The following SLCO1B3 variants were observed in gnomAD, a reference collection of about 807,000 sequenced individuals.
SLCO1B3 encodes the protein solute carrier organic anion transporter family member 1B3, also known as liver-specific organic anion transporter 2.
Under a neutral mutation model 71.8 loss-of-function variants are expected in SLCO1B3, and 72 were observed. The ratio of observed to expected loss-of-function variants is 1.00; its 90% CI spans 0.83 to 1.22. The LOEUF is 1.22. Among genes scored for constraint, SLCO1B3 ranks in the 50% most tolerant of loss-of-function variants. The pLI is 0.00. For synonymous variants in SLCO1B3, 298 were observed against 278.4 expected (o/e 1.07, Z -0.70); for missense variants, 911 against 819.7 (o/e 1.11, Z -1.36).
At chr12:20,842,514 T>C (rs1864824604) in intron 3 of SLCO1B3, among the ~76,000 whole-genome samples, 1 of 152,098 alleles carries the variant, frequency 6.6e-6, no homozygotes, top group African/African-American at 2.4e-5. Context: ...TTTTTTTTAA[T>C]TGCTTCTTAT....
chr12:20,825,314 C>G (rs533969942), intron 3 of SLCO1B3, among the ~76,000 whole-genome samples: 1 of 152,114 alleles, frequency 6.6e-6, no homozygotes, highest in Non-Finnish European at 1.5e-5. Context: ...AGACGCATGT[C>G]TTCTGTGACA....
At position 20,861,100 on chromosome 12, in the gene SLCO1B3, T is replaced by C; in HGVS notation, c.443T>C (p.Leu148Ser). ...SLSTCLINQT[L>S]SFNGTSPEIV... Reference sequence around the variant, plus strand: ...TCAACCTGTTTAATTAATCAAACCTTATCATTCAATGGAACATCACCTGAG... The same window carrying C: ...TCAACCTGTTTAATTAATCAAACCTCATCATTCAATGGAACATCACCTGAG... Residue 148 changes from leucine (L) to serine (S), a missense_variant, in exon 6 of 16, where the codon TTA becomes TCA. Physicochemically the swap from Leu to Ser is moderately radical, Grantham distance 145. Coordinates refer to ENST00000381545, the MANE Select transcript of SLCO1B3 (RefSeq NM_019844.4). The C allele has an allele frequency of 6.2e-7, 1 of 1,601,874 alleles. No individual in the cohort carries two copies. Among genetic ancestry groups the C allele is most frequent in the Non-Finnish European group, 8.5e-7 (1 of 1,173,766 alleles).
intron 13 of SLCO1B3, among the ~76,000 whole-genome samples, chr12:20,886,129 C>G (rs973787659): frequency 2.6e-5 from 4 of 152,032 alleles, no homozygotes; most frequent in African/African-American, 9.6e-5. Flanking sequence ...TAAGGATGAT[C>G]CCAAGGTTCT....
Position 20,858,421 on chromosome 12 carries a change from AT to A in SLCO1B3, c.227-14del. On this transcript the variant is annotated splice_polypyrimidine_tract_variant and intron_variant, in intron 4 of 15. Coordinates refer to ENST00000381545, the MANE Select transcript of SLCO1B3 (RefSeq NM_019844.4). ...AATTACACTAAGTCATATCAACATA[AT>A]TTTGTTTTTTTTCTAGGAAATTTGC... 6.5e-7 allele frequency: 1 copy of A among 1,535,230 alleles called. No individual in the cohort carries two copies. Among genetic ancestry groups the A allele is most frequent in the African/African-American group, 1.4e-5 (1 of 73,356 alleles).
At chr12:20,827,218 A>G (rs1050933254) in intron 3 of SLCO1B3, among the ~76,000 whole-genome samples, 1 of 152,192 alleles carries the variant, frequency 6.6e-6, no homozygotes, top group Non-Finnish European at 1.5e-5. Context: ...AGGGATAAAT[A>G]TTAAACTGCT....
At chr12:20,906,715 A>C (rs1026462413) in intron 15 of SLCO1B3, among the ~76,000 whole-genome samples, 1 of 152,216 alleles carries the variant, frequency 6.6e-6, no homozygotes, top group African/African-American at 2.4e-5. Context: ...AAAAGATTGC[A>C]GCTCTGTTAT....
intron 10 of SLCO1B3, among the ~76,000 whole-genome samples, chr12:20,878,186 A>G (rs1425591710): frequency 6.6e-6 from 1 of 152,014 alleles, no homozygotes; most frequent in African/African-American, 2.4e-5. Flanking sequence ...TTCTAAAGAA[A>G]AAAAATTGCT....
chr12:20,856,985 A>G (rs1214003408), intron 4 of SLCO1B3, among the ~76,000 whole-genome samples: 1 of 152,216 alleles, frequency 6.6e-6, no homozygotes, highest in Non-Finnish European at 1.5e-5. Context: ...GGAAGAATTG[A>G]AAACGTGGCA....
chr12:20,865,604 A>C (rs1327904614), intron 8 of SLCO1B3, among the ~76,000 whole-genome samples: 1 of 152,100 alleles, frequency 6.6e-6, no homozygotes, highest in Non-Finnish European at 1.5e-5. Flanking sequence ...AGTTTTTTTG[A>C]TAAATGTATT....
At chr12:20,908,340 G>A (rs1466903613) in intron 15 of SLCO1B3, among the ~76,000 whole-genome samples, 1 of 152,150 alleles carries the variant, frequency 6.6e-6, no homozygotes, top group Non-Finnish European at 1.5e-5. Flanking sequence ...CTCCCATCAG[G>A]ATGGTACATT....
chr12:20,899,616 C>G (rs1866087216), intron 14 of SLCO1B3, among the ~76,000 whole-genome samples: 1 of 152,148 alleles, frequency 6.6e-6, no homozygotes, highest in African/African-American at 2.4e-5. Context: ...CTTTCTGTGT[C>G]CCTAATCTTC....
chr12:20,827,654 C>G (rs912861899), intron 3 of SLCO1B3, among the ~76,000 whole-genome samples: 1 of 152,048 alleles, frequency 6.6e-6, no homozygotes, highest in Non-Finnish European at 1.5e-5. Context: ...TCACTGCAAT[C>G]TGTATCTCCT....
chr12:20,849,659 C>T lies in SLCO1B3; in HGVS notation c.85-5369C>T, dbSNP rs543281622. 1.1e-4 allele frequency among the ~76,000 whole-genome samples: 16 copies of T among 146,518 alleles called. No homozygotes were observed. In the South Asian group the frequency reaches 3.7e-3, roughly 34 times the overall value. On this transcript the variant is annotated intron_variant, in intron 3 of 15. Transcript: ENST00000381545. ...TATGTAAAGAGAAGCCCAAAGAATC[C>T]ACAAGAAATCTACTAGAGCTAATAA...
chr12:20,815,942 G>A (rs371677382), intron 3 of SLCO1B3, 120 bp downstream of exon 3: 39 of 500,578 alleles, frequency 7.8e-5, no homozygotes, highest in East Asian at 6.4e-4. Context: ...CCATTGAAGC[G>A]TACATTAAAA....
chr12:20,823,743 T>C (rs943322097), intron 3 of SLCO1B3, among the ~76,000 whole-genome samples: 4 of 152,206 alleles, frequency 2.6e-5, no homozygotes, highest in Admixed American at 2.6e-4. Context: ...TGCAGATACA[T>C]ATGTGAATTG....
rs1262714734 is a variant in SLCO1B3, at chr12:20,862,463, A to T, written c.533A>T (p.Asn178Ile). The change falls in exon 7 of 16, where the codon AAT becomes ATT. Residue 178 changes from asparagine to isoleucine, a missense_variant. Physicochemically the swap from Asn to Ile is moderately radical, Grantham distance 149 (BLOSUM62 -3). Transcript: ENST00000381545. ...SHMWIYVFMG[N>I]MLRGIGETPI... is the part of the protein sequence containing the mutation. ...ATGTGGATCTATGTCTTCATGGGGA[A>T]TATGCTTCGTGGCATAGGGGAAACC... 1.2e-6 allele frequency: 2 copies of T among 1,613,256 alleles called. No individual in the cohort carries two copies. The highest frequency in any genetic ancestry group is 1.7e-6 in the Non-Finnish European group (2 of 1,179,446).
At chr12:20,838,262 A>T (rs6487153) in intron 3 of SLCO1B3, among the ~76,000 whole-genome samples, 109,992 of 151,794 alleles carry the variant, frequency 0.72, 42,429 homozygotes, top group South Asian at 0.9. Flanking sequence ...TAAAATTAAT[A>T]TAGCTATTCC....
At chr12:20,860,922 G>C in intron 5 of SLCO1B3, 95 bp from the exon 6 acceptor site, 1 of 1,211,670 alleles carries the variant, frequency 8.3e-7, no homozygotes, top group Non-Finnish European at 1.2e-6. Context: ...AGAAGACAGC[G>C]GTTCAAATAA....
chr12:20,816,091 G>C lies in SLCO1B3; in HGVS notation c.84+269G>C, dbSNP rs1029334569. Among the ~76,000 whole-genome samples, 3 of 152,180 alleles carry C rather than the reference G, an allele frequency of 2.0e-5. No individual in the cohort carries two copies. In the South Asian group the frequency reaches 6.2e-4, roughly 32 times the overall value. Reference sequence around the variant, plus strand: ...TTTTAATTTTTGTGGGTATGTAGTAGGTATGTATGTTTATGGGGTACATGA... The same window carrying C: ...TTTTAATTTTTGTGGGTATGTAGTACGTATGTATGTTTATGGGGTACATGA... On this transcript the variant is annotated intron_variant, in intron 3 of 15. Coordinates refer to ENST00000381545, the MANE Select transcript of SLCO1B3 (RefSeq NM_019844.4).
Sources: allele counts gnomAD v4.1 joint callset (sites outside exome capture counted in the v4.1 genomes callset), GRCh38; gene constraint gnomAD v4.1.1; transcripts MANE v1.5; gene names NCBI Gene and HGNC (gene_info 2026-07-23, HGNC 2026-07-21).